FHAD1: variants seen among roughly 807,000 people sequenced by gnomAD.
FHAD1 encodes the protein forkhead-associated domain-containing protein 1.
Under a neutral mutation model 191.3 loss-of-function variants are expected in FHAD1, and 146 were observed. That is an observed-to-expected ratio of 0.76 (90% confidence interval 0.67 to 0.88). FHAD1 has a LOEUF of 0.88. Among genes scored for constraint, FHAD1 ranks in the 40% least tolerant of loss-of-function variants. The probability of loss-of-function intolerance (pLI) is 0.00; values close to 1 mark genes in which losing one functional copy is unlikely to be tolerated. For missense variants in FHAD1, 1,635 were observed against 1,785.8 expected, an observed-to-expected ratio of 0.92 and a Z score of 1.52; for synonymous variants, 616 against 672.3, an observed-to-expected ratio of 0.92 and a Z score of 1.29.
chr1:15,362,772 C>G (rs1224460558), intron 23 of FHAD1, 46 bp downstream of exon 23: 35 of 1,478,344 alleles, frequency 2.4e-5, no homozygotes, highest in Non-Finnish European at 3.1e-5. Flanking sequence ...TCACCGGCAC[C>G]ACCTGGGTGG....
At position 15,289,669 on chromosome 1, in the gene FHAD1, A is replaced by T. The variant is rs1485223349; in HGVS notation, c.568+3A>T. On this transcript the variant is annotated splice_donor_region_variant and intron_variant, in intron 4 of 33. Transcript: ENST00000688493. This position sits in a 1 kb window ranked among gnomAD's most constrained non-coding sequence, Gnocchi z 4.2. ...CAAGCCACCCGTCATCAAGCAAGGT[A>T]TGCGTCAGGGCTGCCATTGGTGGCT... is the stretch of plus-strand genomic sequence containing the variant. 1 of 1,545,470 alleles carries T rather than the reference A, an allele frequency of 6.5e-7. No homozygotes were observed. Among genetic ancestry groups the T allele is most frequent in the Non-Finnish European group, 8.8e-7 (1 of 1,142,058 alleles).
At chr1:15,358,339 T>A (rs1693542771) in intron 21 of FHAD1, 56 bp downstream of exon 21, 2 of 1,483,690 alleles carry the variant, frequency 1.3e-6, no homozygotes, top group South Asian at 1.3e-5. Context: ...AAGATTACAG[T>A]GCCACGAGAA....
In FHAD1 at chr1:15,339,659, C is replaced by G. The variant is rs142684599; in HGVS notation, c.1977+108C>G. 1.3e-3 allele frequency: 503 copies of G among 381,024 alleles called. 13 individuals carry two copies. In the East Asian group the frequency reaches 0.034, roughly 26 times the overall value. The allele number at this position is 381,024 out of a possible 1,614,324, so 23.6% of individuals were successfully genotyped here. On this transcript the variant is annotated intron_variant, in intron 15 of 33. Coordinates refer to ENST00000688493, the MANE Select transcript of FHAD1 (RefSeq NM_001391957.1). Reference sequence around the variant, plus strand: ...TTTTTTCTTTATCAGCTAGTCCAGTCCACACCCTCCAATAGGTGAAATGAT... The same window carrying G: ...TTTTTTCTTTATCAGCTAGTCCAGTGCACACCCTCCAATAGGTGAAATGAT...
chr1:15,365,235 A>G (rs1177142405), intron 23 of FHAD1, among the ~76,000 whole-genome samples: 5 of 152,140 alleles, frequency 3.3e-5, no homozygotes, highest in African/African-American at 4.8e-5. Flanking sequence ...TCCATTCATG[A>G]TGGTGGGTAG....
intron 1 of FHAD1, 123 bp downstream of exon 1, chr1:15,247,518 C>T (rs907407008): frequency 6.2e-6 from 1 of 162,404 alleles, no homozygotes; most frequent in African/African-American, 2.4e-5. Context: ...GATCCAGGCT[C>T]CGGTCCCCAG....
At chr1:15,315,368 T>G (rs993005809) in intron 8 of FHAD1, 4 of 152,142 alleles carry the variant, frequency 2.6e-5, no homozygotes, top group African/African-American at 9.7e-5. Context: ...CTTTAAACAA[T>G]TACTGTTTCC....
At chr1:15,292,250 T>C (rs565048703) in intron 4 of FHAD1, among the ~76,000 whole-genome samples, 117 of 151,400 alleles carry the variant, frequency 7.7e-4, no homozygotes, top group Non-Finnish European at 1.4e-3. Flanking sequence ...CAGGTTCAAG[T>C]GATTCTCCTG....
chr1:15,376,473 G>A (rs971561325), intron 28 of FHAD1, among the ~76,000 whole-genome samples: 5 of 152,064 alleles, frequency 3.3e-5, no homozygotes, highest in Admixed American at 1.3e-4. Context: ...TTTGCTTTTC[G>A]CTGTTACCTG....
chr1:15,383,191 A>G (rs1027919903), intron 31 of FHAD1: 2 of 471,414 alleles, frequency 4.2e-6, no homozygotes, highest in Non-Finnish European at 8.8e-6. Context: ...TCGCAGACAG[A>G]TGGTGAGGAT....
Position 15,313,093 on chromosome 1 carries a change from AGGAT to A in FHAD1, c.1078_1081del (p.Asp360SerfsTer6), listed in dbSNP as rs1672786396. The A allele has an allele frequency of 1.3e-6, 2 of 1,551,692 alleles. No homozygotes were observed. The highest frequency in any genetic ancestry group is 8.7e-7 in the Non-Finnish European group (1 of 1,147,016). ...TCTTTGCAAAAAGACATATTAGCAA[AGGAT>A]GAGCAAGTTCAACAACTAAAGGAAG... On this transcript the variant is annotated frameshift_variant, in exon 8 of 34. Transcript: ENST00000688493. LOFTEE classifies it high-confidence loss of function.
chr1:15,382,074 C>T lies in FHAD1; in HGVS notation c.4069C>T (p.Leu1357=). The part of the protein sequence containing the change: ...IEMYQSQVAK[L]EDDIYKEAEE... The stretch of plus-strand genomic sequence containing the variant: ...GATGTACCAGTCGCAGGTGGCAAAG[C>T]TGGAGGATGATATCTACAAAGAGGC... Residue 1357 remains leucine, a synonymous_variant, in exon 31 of 34, where the codon CTG becomes TTG. Coordinates refer to ENST00000688493, the MANE Select transcript of FHAD1 (RefSeq NM_001391957.1). 6.4e-7 allele frequency: 1 copy of T among 1,552,126 alleles called. No homozygotes were observed. Among genetic ancestry groups the T allele is most frequent in the Non-Finnish European group, 8.7e-7 (1 of 1,147,098 alleles).
chr1:15,383,337 G>A lies in FHAD1; in HGVS notation c.4188+1144G>A, dbSNP rs748006617. 1.4e-4 allele frequency: 63 copies of A among 434,556 alleles called. No individual in the cohort carries two copies. In the Middle Eastern group the frequency reaches 2.2e-3, roughly 15 times the overall value. 26.9% of individuals were successfully genotyped at this position (434,556 alleles called of 1,614,324 possible). A position where few individuals can be genotyped will look rare whatever the true frequency, so the allele number is the denominator to read the frequency against. ...TGCCCAGGGCCTGGCACCAGCCGGC[G>A]GACACTGCCTTCCCCATGCTGCCCA... On this transcript the variant is annotated intron_variant, in intron 31 of 33. Coordinates refer to ENST00000688493, the MANE Select transcript of FHAD1 (RefSeq NM_001391957.1).
chr1:15,305,112 C>T (rs1435133868), intron 6 of FHAD1, among the ~76,000 whole-genome samples: 2 of 152,240 alleles, frequency 1.3e-5, no homozygotes. Context: ...TACTATCAGT[C>T]TACCTTCCTG....
chr1:15,331,496 ATG>A, intron 14 of FHAD1, among the ~76,000 whole-genome samples: 1 of 127,720 alleles, frequency 7.8e-6, no homozygotes, highest in Non-Finnish European at 1.6e-5. Flanking sequence ...TGATGGATGG[ATG>A]GATGGATGGA....
intron 25 of FHAD1, among the ~76,000 whole-genome samples, chr1:15,367,984 T>C (rs74341234): frequency 6.6e-6 from 1 of 152,148 alleles, no homozygotes; most frequent in Non-Finnish European, 1.5e-5. Flanking sequence ...GTTTGTTTTT[T>C]TGAGACAGAA....
At chr1:15,249,893 C>T (rs1352702177) in intron 1 of FHAD1, among the ~76,000 whole-genome samples, 1 of 152,168 alleles carries the variant, frequency 6.6e-6, no homozygotes, top group Non-Finnish European at 1.5e-5. Context: ...GGCAATCTCC[C>T]TGCCCGAATG....
At chr1:15,279,662 C>G (rs1290559537) in intron 3 of FHAD1, among the ~76,000 whole-genome samples, 1 of 152,070 alleles carries the variant, frequency 6.6e-6, no homozygotes, top group Non-Finnish European at 1.5e-5. Context: ...ACCCCAGCAC[C>G]TTCCAAACTC....
chr1:15,293,509 G>A (rs1308307945), intron 4 of FHAD1, among the ~76,000 whole-genome samples: 1 of 152,036 alleles, frequency 6.6e-6, no homozygotes, highest in African/African-American at 2.4e-5. Context: ...CACAAGGTCG[G>A]GAGTCTGAGA....
At position 15,349,992 on chromosome 1, in the gene FHAD1, G is replaced by A. The variant is rs186428425; in HGVS notation, c.2454+843G>A. ...AGGAGGTCACTCAGGGACCCACATG[G>A]CATCTCCATGAGCTGGGCTTCGGGG... On this transcript the variant is annotated intron_variant, in intron 19 of 33. Coordinates refer to ENST00000688493, the MANE Select transcript of FHAD1 (RefSeq NM_001391957.1). Among the ~76,000 whole-genome samples the A allele has an allele frequency of 1.3e-3, 199 of 152,334 alleles. 2 individuals are homozygous for A. Among genetic ancestry groups the A allele is most frequent in the African/African-American group, 4.5e-3 (186 of 41,574 alleles).
Sources: allele counts gnomAD v4.1 joint callset (sites outside exome capture counted in the v4.1 genomes callset), GRCh38; gene constraint gnomAD v4.1.1; non-coding constraint Gnocchi (gnomAD v3.1); transcripts MANE v1.5; gene names NCBI Gene and HGNC (gene_info 2026-07-23, HGNC 2026-07-21).